The following FHIT variants were observed in gnomAD, a reference collection of about 807,000 sequenced individuals.
FHIT encodes the protein bis(5'-adenosyl)-triphosphatase.
In FHIT, 19 loss-of-function variants were observed where a neutral mutation model predicts 17.9. The observed-to-expected ratio is 1.06, with a 90% CI of 0.74 to 1.56. The LOEUF is 1.56. Ranked by LOEUF, FHIT falls within the 40% of genes most tolerant of loss-of-function variation. The pLI, the probability that FHIT is intolerant of heterozygous loss-of-function variation, is 0.00. For missense variants in FHIT, 248 were observed against 189.2 expected, an observed-to-expected ratio of 1.31 and a Z score of -1.82; for synonymous variants, 81 against 69.7, an observed-to-expected ratio of 1.16 and a Z score of -0.81.
intron 2 of FHIT, among the ~76,000 whole-genome samples, chr3:61,195,463 G>A (rs2038829572): frequency 6.6e-6 from 1 of 152,142 alleles, no homozygotes; most frequent in African/African-American, 2.4e-5. Context: ...AGATGATAAT[G>A]ATGTTGATGA....
intron 4 of FHIT, among the ~76,000 whole-genome samples, chr3:60,597,340 T>C (rs1017166355): frequency 2.0e-5 from 3 of 152,104 alleles, no homozygotes; most frequent in Non-Finnish European, 4.4e-5. Flanking sequence ...GTTTAATCAT[T>C]ATACATACTT....
chr3:60,138,323 TTGGCTG>T (rs1200731956), intron 5 of FHIT, among the ~76,000 whole-genome samples: 2 of 152,168 alleles, frequency 1.3e-5, no homozygotes, highest in African/African-American at 4.8e-5. Flanking sequence ...TTGGAGTTAT[TTGGCTG>T]TGACTGAGAA....
intron 1 of FHIT, among the ~76,000 whole-genome samples, chr3:61,233,620 T>C (rs2040159601): frequency 6.6e-6 from 1 of 152,202 alleles, no homozygotes; most frequent in African/African-American, 2.4e-5. Flanking sequence ...GACACCAATA[T>C]GAGAGTAGTG....
At chr3:59,908,850 T>TTTTTTTTTTTTTTGTG (rs1553712872) in intron 8 of FHIT, among the ~76,000 whole-genome samples, 1 of 150,090 alleles carries the variant, frequency 6.7e-6, no homozygotes, top group East Asian at 1.9e-4. Flanking sequence ...TTTCATTTTT[T>TTTTTTTTTTTTTTGTG]AATAGTCCAA....
intron 5 of FHIT, among the ~76,000 whole-genome samples, chr3:60,426,145 T>G (rs75802353): frequency 1.3e-5 from 2 of 152,168 alleles, no homozygotes; most frequent in African/African-American, 4.8e-5. Flanking sequence ...TATAAGCTCA[T>G]TGACCTTGGA....
intron 5 of FHIT, among the ~76,000 whole-genome samples, chr3:60,036,833 C>T (rs762573669): frequency 5.9e-5 from 9 of 152,188 alleles, no homozygotes; most frequent in Non-Finnish European, 8.8e-5. Context: ...TATCCTAATA[C>T]TGAGACTTAT....
chr3:60,944,036 C>A (rs920396950), intron 3 of FHIT, among the ~76,000 whole-genome samples: 2 of 152,116 alleles, frequency 1.3e-5, no homozygotes, highest in African/African-American at 4.8e-5. Context: ...AGTCTCTCAC[C>A]TGTTACCTTG....
At chr3:60,094,614 C>T (rs949009799) in intron 5 of FHIT, among the ~76,000 whole-genome samples, 11 of 152,172 alleles carry the variant, frequency 7.2e-5, no homozygotes, top group Non-Finnish European at 1.6e-4. Context: ...TGTCAGACAC[C>T]TGTCAAAATG....
At chr3:59,883,554 C>A (rs77285763) in intron 8 of FHIT, among the ~76,000 whole-genome samples, 1,851 of 152,334 alleles carry the variant, frequency 0.012, 12 homozygotes, top group Middle Eastern at 0.02. Context: ...TCAATTATCT[C>A]TTACAGGGTC....
intron 1 of FHIT, among the ~76,000 whole-genome samples, chr3:61,247,976 C>G (rs998344527): frequency 6.6e-6 from 1 of 152,132 alleles, no homozygotes; most frequent in African/African-American, 2.4e-5. Flanking sequence ...CCCAGACAAC[C>G]CCTCTACTGC....
intron 3 of FHIT, among the ~76,000 whole-genome samples, chr3:60,851,126 C>T (rs555708995): frequency 6.6e-6 from 1 of 152,096 alleles, no homozygotes; most frequent in Non-Finnish European, 1.5e-5. Flanking sequence ...TAGTAGTTAA[C>T]ATTTACTGTT....
At chr3:60,970,562 A>G (rs1709963758) in intron 3 of FHIT, among the ~76,000 whole-genome samples, 1 of 152,132 alleles carries the variant, frequency 6.6e-6, no homozygotes, top group Non-Finnish European at 1.5e-5. Context: ...CAATTAATCA[A>G]ATATATTTTA....
At chr3:60,254,222 G>T (rs1326858088) in intron 5 of FHIT, among the ~76,000 whole-genome samples, 1 of 152,146 alleles carries the variant, frequency 6.6e-6, no homozygotes, top group Non-Finnish European at 1.5e-5. Context: ...CTTGTGTGAG[G>T]TATAATCAGT....
intron 7 of FHIT, among the ~76,000 whole-genome samples, chr3:59,944,357 C>T (rs1238489937): frequency 6.6e-6 from 1 of 152,132 alleles, no homozygotes. Flanking sequence ...ACCCAAATCA[C>T]CATTGTAATC....
intron 3 of FHIT, among the ~76,000 whole-genome samples, chr3:60,907,126 G>C (rs1369914148): frequency 6.6e-6 from 1 of 151,942 alleles, no homozygotes; most frequent in East Asian, 1.9e-4. Flanking sequence ...CTAATTTCAA[G>C]GCAAAACAAA....
chr3:60,787,904 A>G (rs1383017941), intron 4 of FHIT, among the ~76,000 whole-genome samples: 1 of 152,094 alleles, frequency 6.6e-6, no homozygotes, highest in African/African-American at 2.4e-5. Flanking sequence ...TTTGTACATA[A>G]TGGCCCCAAA....
intron 5 of FHIT, among the ~76,000 whole-genome samples, chr3:60,212,330 G>C (rs1703491775): frequency 1.3e-5 from 2 of 152,206 alleles, no homozygotes; most frequent in Middle Eastern, 3.4e-3. Flanking sequence ...ACGCCAAGTG[G>C]TATGCTTTGG....
intron 5 of FHIT, among the ~76,000 whole-genome samples, chr3:60,104,937 C>T (rs905844421): frequency 6.6e-6 from 1 of 152,026 alleles, no homozygotes; most frequent in Non-Finnish European, 1.5e-5. Context: ...GTTTAATATC[C>T]TCTCTTGAAG....
intron 5 of FHIT, among the ~76,000 whole-genome samples, chr3:60,373,258 G>A (rs1268585095): frequency 6.6e-6 from 1 of 152,138 alleles, no homozygotes; most frequent in African/African-American, 2.4e-5. Flanking sequence ...CCTTGGGTGG[G>A]GAGGCTGGGT....
Sources: allele counts gnomAD v4.1 joint callset (sites outside exome capture counted in the v4.1 genomes callset), GRCh38; gene constraint gnomAD v4.1.1; transcripts MANE v1.5; gene names NCBI Gene and HGNC (gene_info 2026-07-23, HGNC 2026-07-21).